The following DDX10 variants were observed in gnomAD, a reference collection of about 807,000 sequenced individuals.
The protein encoded by DDX10 is probable ATP-dependent RNA helicase DDX10.
Under a neutral mutation model 104.3 loss-of-function variants are expected in DDX10, and 74 were observed. The ratio of observed to expected loss-of-function variants is 0.71; its 90% CI spans 0.59 to 0.86. DDX10 has a LOEUF of 0.86. Ranked by LOEUF, DDX10 falls within the 40% of genes least tolerant of loss-of-function variation. DDX10 has a pLI of 0.00. For synonymous variants in DDX10, 351 were observed against 353.4 expected (o/e 0.99, Z 0.08); for missense variants, 952 against 1,040.0 (o/e 0.92, Z 1.16).
intron 13 of DDX10, among the ~76,000 whole-genome samples, chr11:108,837,998 G>A (rs1345760079): frequency 6.6e-6 from 1 of 152,046 alleles, no homozygotes; most frequent in African/African-American, 2.4e-5. Flanking sequence ...GAGGAATGTT[G>A]CAACGTTGCA....
intron 17 of DDX10, chr11:108,929,841 C>CTT (rs1005906697): frequency 3.9e-5 from 6 of 152,102 alleles, no homozygotes; most frequent in Non-Finnish European, 8.8e-5. Context: ...AACTATACAT[C>CTT]TTTTTATTGA....
chr11:108,823,321 A>G (rs1375805981), intron 13 of DDX10, among the ~76,000 whole-genome samples: 2 of 152,262 alleles, frequency 1.3e-5, no homozygotes, highest in African/African-American at 2.4e-5. Flanking sequence ...TGGAAACTTT[A>G]CTGCACATGG....
At chr11:108,828,907 A>C (rs1862433440) in intron 13 of DDX10, among the ~76,000 whole-genome samples, 1 of 152,166 alleles carries the variant, frequency 6.6e-6, no homozygotes, top group South Asian at 2.1e-4. Flanking sequence ...TATAGGTGTG[A>C]GCCACTGCAG....
At chr11:108,867,021 AGATGAGTGTT>A (rs988520416) in intron 16 of DDX10, among the ~76,000 whole-genome samples, 1 of 152,196 alleles carries the variant, frequency 6.6e-6, no homozygotes, top group African/African-American at 2.4e-5. Context: ...GCATCAATCA[AGATGAGTGTT>A]TGTGAAAGTT....
chr11:108,845,087 A>G (rs1246747493), intron 15 of DDX10, among the ~76,000 whole-genome samples: 3 of 152,132 alleles, frequency 2.0e-5, no homozygotes, highest in Admixed American at 6.5e-5. Flanking sequence ...GGGCGCCTGT[A>G]GTCCCAGCTA....
rs376392829 is a variant in DDX10, at chr11:108,789,479, A to G, written c.1966-48967A>G. Reference sequence around the variant, plus strand: ...AAGTCTGCAGCTATCTTGAGAGGCAATTGAGTAGGTACCTGATACCTGCCT... The same window carrying G: ...AAGTCTGCAGCTATCTTGAGAGGCAGTTGAGTAGGTACCTGATACCTGCCT... On this transcript the variant is annotated intron_variant, in intron 13 of 17. Coordinates refer to ENST00000322536, the MANE Select transcript of DDX10 (RefSeq NM_004398.4). Among the ~76,000 whole-genome samples, 14 of 152,346 alleles carry G rather than the reference A, an allele frequency of 9.2e-5. No homozygotes were observed. In the East Asian group the frequency reaches 1.5e-3, roughly 17 times the overall value.
At chr11:108,822,481 C>T in intron 13 of DDX10, 1 of 300,564 alleles carries the variant, frequency 3.3e-6, no homozygotes, top group Non-Finnish European at 6.4e-6. Context: ...CCAGGTGATG[C>T]CTTTGTTCTT....
At chr11:108,813,251 C>A (rs1482187702) in intron 13 of DDX10, among the ~76,000 whole-genome samples, 3 of 152,112 alleles carry the variant, frequency 2.0e-5, no homozygotes, top group Non-Finnish European at 4.4e-5. Context: ...CACATTTCTA[C>A]TCATAATATC....
At chr11:108,899,246 C>G (rs1863482599) in intron 16 of DDX10, among the ~76,000 whole-genome samples, 1 of 151,498 alleles carries the variant, frequency 6.6e-6, no homozygotes, top group Non-Finnish European at 1.5e-5. Flanking sequence ...CTCCCCCCAA[C>G]CCCCCGTGTT....
intron 17 of DDX10, among the ~76,000 whole-genome samples, chr11:108,926,015 T>A (rs1863903783): frequency 6.6e-6 from 1 of 152,202 alleles, no homozygotes; most frequent in Non-Finnish European, 1.5e-5. Context: ...TATTGAAAAC[T>A]AATCAGGGAA....
chr11:108,760,033 G>A (rs897317230), intron 13 of DDX10, among the ~76,000 whole-genome samples: 1 of 151,050 alleles, frequency 6.6e-6, no homozygotes, highest in Admixed American at 6.6e-5. Flanking sequence ...CACACTATAA[G>A]AGTTAGACAT....
intron 13 of DDX10, among the ~76,000 whole-genome samples, chr11:108,778,174 A>C (rs986047434): frequency 5.9e-5 from 9 of 152,212 alleles, no homozygotes; most frequent in Non-Finnish European, 7.3e-5. Flanking sequence ...GACTTTCTTC[A>C]CAGAATTGGA....
intron 16 of DDX10, among the ~76,000 whole-genome samples, chr11:108,861,519 T>C (rs1339992450): frequency 6.6e-6 from 1 of 152,178 alleles, no homozygotes; most frequent in Non-Finnish European, 1.5e-5. Context: ...GAAAACATGA[T>C]ATTGAGCAAA....
At chr11:108,675,088 T>TTG (rs142204234) in intron 2 of DDX10, among the ~76,000 whole-genome samples, 10,654 of 146,752 alleles carry the variant, frequency 0.073, 505 homozygotes, top group Admixed American at 0.15. Context: ...CATATTCCAT[T>TTG]TGTGTGTGTG....
At position 108,665,175 on chromosome 11, in the gene DDX10, C is replaced by T; in HGVS notation, c.22C>T (p.Pro8Ser). The T allele has an allele frequency of 5.0e-6, 8 of 1,611,062 alleles. No homozygotes were observed. The highest frequency in any genetic ancestry group is 6.8e-6 in the Non-Finnish European group (8 of 1,178,934). Reference protein sequence around the residue: MGKTANSPGSGARPDPVR... With the variant: MGKTANSSGSGARPDPVR... ...CGCAATGGGCAAAACGGCCAACTCT[C>T]CGGGTTCGGGAGCCCGACCCGACCC... The change falls in exon 1 of 18, where the codon CCG becomes TCG. Residue 8 changes from proline to serine, a missense_variant. Pro to Ser is a moderately conservative substitution (Grantham distance 74). This residue lies in a region of DDX10 where 412 missense variants were observed against 479.2 expected (regional missense o/e 0.86). Transcript: ENST00000322536.
At chr11:108,741,103 C>A (rs561151984) in intron 13 of DDX10, among the ~76,000 whole-genome samples, 9 of 152,236 alleles carry the variant, frequency 5.9e-5, no homozygotes, top group Admixed American at 2.0e-4. Context: ...TATCGAAGAT[C>A]AGATGGTTGT....
intron 13 of DDX10, among the ~76,000 whole-genome samples, chr11:108,813,994 T>C (rs1014619847): frequency 3.9e-5 from 6 of 152,362 alleles, no homozygotes; most frequent in African/African-American, 1.2e-4. Context: ...GAACTTAAAC[T>C]GTTTTTATGT....
chr11:108,806,639 C>T (rs1310036755), intron 13 of DDX10, among the ~76,000 whole-genome samples: 2 of 152,010 alleles, frequency 1.3e-5, no homozygotes, highest in East Asian at 3.9e-4. Context: ...CTAAGAAAAC[C>T]GTGGTGGGGA....
intron 16 of DDX10, among the ~76,000 whole-genome samples, chr11:108,902,361 C>G (rs767050755): frequency 6.6e-6 from 1 of 152,168 alleles, no homozygotes; most frequent in Non-Finnish European, 1.5e-5. Flanking sequence ...GAATCCTGAG[C>G]TAACATACCT....
Sources: gnomAD v4.1 joint callset for allele counts (sites outside exome capture counted in the v4.1 genomes callset) on GRCh38, gnomAD v4.1.1 for gene constraint, gnomAD v4.1.1 regional missense constraint, MANE v1.5 for transcripts, NCBI Gene and HGNC (gene_info 2026-07-23, HGNC 2026-07-21) for gene names.